The following KIAA0408 variants were observed in gnomAD, a reference collection of about 807,000 sequenced individuals.
The protein encoded by KIAA0408 is KIAA0408, also known as uncharacterized protein KIAA0408.
KIAA0408 carries 51 observed loss-of-function variants against 60.9 expected under a neutral mutation model. That is an observed-to-expected ratio of 0.84 (90% CI 0.67 to 1.06). The LOEUF is 1.06. Ranked by LOEUF, KIAA0408 falls within the 50% of genes least tolerant of loss-of-function variation. KIAA0408 has a pLI of 0.00. For missense variants in KIAA0408, 787 were observed against 833.9 expected (o/e 0.94, Z 0.69); for synonymous variants, 304 against 282.4 (o/e 1.08, Z -0.77).
chr6:127,453,826 C>T (rs1384547025), intron 2 of KIAA0408, 21 bp downstream of exon 2: 1 of 1,608,058 alleles, frequency 6.2e-7, no homozygotes, highest in African/African-American at 1.3e-5. Context: ...TACAGTATAT[C>T]CAAAACAAAT....
intron 1 of KIAA0408, among the ~76,000 whole-genome samples, chr6:127,456,309 A>T (rs1261062799): frequency 6.6e-6 from 1 of 152,170 alleles, no homozygotes; most frequent in Non-Finnish European, 1.5e-5. Flanking sequence ...TCTTTTCTAC[A>T]ATTATGTAGC....
chr6:127,457,135 A>G (rs917200851), intron 1 of KIAA0408, among the ~76,000 whole-genome samples: 2 of 152,208 alleles, frequency 1.3e-5, no homozygotes, highest in East Asian at 3.8e-4. Context: ...TACATGTCAC[A>G]TATTTAAAGA....
Position 127,446,558 on chromosome 6 carries a change from A to G in KIAA0408, c.1761T>C (p.Asn587=), listed in dbSNP as rs1314008670. 9 of 1,614,036 alleles carry G rather than the reference A, an allele frequency of 5.6e-6. No individual in the cohort carries two copies. Among genetic ancestry groups the G allele is most frequent in the African/African-American group, 5.3e-5 (4 of 74,914 alleles). The change falls in exon 5 of 6, where the codon AAT becomes AAC. Residue 587 remains asparagine (N), a synonymous_variant. Transcript: ENST00000483725. The part of the protein sequence containing the change: ...ALQNSKCFQD[N]WTKCNSDVSG... ...TGACATCAGAATTACATTTGGTCCA[A>G]TTATCCTGGAAGCACTTAGAATTTT...
chr6:127,453,818 C>A, intron 2 of KIAA0408, 29 bp downstream of exon 2: 1 of 1,602,920 alleles, frequency 6.2e-7, no homozygotes, highest in Non-Finnish European at 8.5e-7. Flanking sequence ...TTAAACATTA[C>A]AGTATATCCA....
At chr6:127,450,627 G>A (rs562679797) in intron 2 of KIAA0408, 2 of 285,552 alleles carry the variant, frequency 7.0e-6, no homozygotes, top group South Asian at 7.2e-5. Context: ...ATCTGTATCT[G>A]TATATAAATA....
At chr6:127,450,610 A>G (rs1013864615) in intron 2 of KIAA0408, 2 of 358,848 alleles carry the variant, frequency 5.6e-6, no homozygotes, top group Non-Finnish European at 9.7e-6. Context: ...ATTCAAAAAT[A>G]AAATAAATCT....
rs1773448490 is a variant in KIAA0408 at position 127,459,302 on chromosome 6, AG to A, written c.-249del. 1 of 152,236 alleles carries A rather than the reference AG, an allele frequency of 6.6e-6. No homozygotes were observed. Among genetic ancestry groups the A allele is most frequent in the Non-Finnish European group, 1.5e-5 (1 of 68,068 alleles). The allele number at this position is 152,236 out of a possible 1,614,324, so 9.4% of individuals were successfully genotyped here. ...GTGAATCTCGATTCTTTACAAGAAA[AG>A]GGGATGCAAAATAAGTCCAACCATT... On this transcript the variant is annotated 5_prime_UTR_variant, in exon 1 of 6. The change abolishes the stop of an existing upstream ORF in the 5' untranslated region. Transcript: ENST00000483725.
At chr6:127,444,687 T>C (rs1023010861) in intron 5 of KIAA0408, among the ~76,000 whole-genome samples, 2 of 152,076 alleles carry the variant, frequency 1.3e-5, no homozygotes, top group Non-Finnish European at 2.9e-5. Flanking sequence ...TGTTCATTTA[T>C]GTCAAATTCA....
Position 127,446,457 on chromosome 6 carries a change from C to T in KIAA0408, c.1862G>A (p.Trp621Ter), listed in dbSNP as rs745704294. The change falls in exon 5 of 6, where the codon TGG (tryptophan) becomes TAG (stop). Residue 621 changes from tryptophan to a stop codon, truncating the protein, a stop_gained. Coordinates refer to ENST00000483725, the MANE Select transcript of KIAA0408 (RefSeq NM_014702.5). LOFTEE classifies it high-confidence loss of function. ...TCCTTGCTTCACTTCCTGTCCCCCC[C>T]ACACAGCTGTCTTTTGCTGAAACTG... Reference protein sequence around the residue: ...EQQFQQKTAVWGGQEVKQGID... With the variant: ...EQQFQQKTAV 14 of 1,613,864 alleles carry T rather than the reference C, an allele frequency of 8.7e-6. No homozygotes were observed. In the South Asian group the frequency reaches 1.4e-4, roughly 16 times the overall value.
In KIAA0408 at chr6:127,450,308, T is replaced by C. The variant is rs1400865476; in HGVS notation, c.180A>G (p.Glu60=). 1 of 1,607,208 alleles carries C rather than the reference T, an allele frequency of 6.2e-7. No homozygotes were observed. The highest frequency in any genetic ancestry group is 8.5e-7 in the Non-Finnish European group (1 of 1,178,228). The change falls in exon 3 of 6, where the codon GAA becomes GAG. Residue 60 remains glutamate, a synonymous_variant. Transcript: ENST00000483725. ...VKLWRKININ[E]SAKIIDLYHE... The stretch of plus-strand genomic sequence containing the variant: ...GGTAAAGATCAATGATCTTAGCACT[T>C]TCATTGATATTGATTTTCCTCCAAA...
rs913878144 is a variant in KIAA0408 at position 127,450,451 on chromosome 6, T to A, written c.136-99A>T. The A allele has an allele frequency of 1.0e-5, 15 of 1,435,634 alleles. No individual in the cohort carries two copies. The African/African-American group carries it at 2.1e-4, about 21-fold the overall frequency. 88.9% of individuals were successfully genotyped at this position (1,435,634 alleles called of 1,614,324 possible). Reference sequence around the variant, plus strand: ...AAACCGCTTTGAGTTCTCTTTGCCATATTAAAATATACTTCCTGGGTATTA... The same window carrying A: ...AAACCGCTTTGAGTTCTCTTTGCCAAATTAAAATATACTTCCTGGGTATTA... On this transcript the variant is annotated intron_variant, in intron 2 of 5. Coordinates refer to ENST00000483725, the MANE Select transcript of KIAA0408 (RefSeq NM_014702.5).
rs776843188 is a variant in KIAA0408 at position 127,447,395 on chromosome 6, A to T, written c.924T>A (p.Asn308Lys). ...GTCTCAAAGGGAAGTGAGGGTTGTA[A>T]TTCCTTTTACTTCGACCCTCATGGG... ...WVPHEGRSKR[N>K]YNPHFPLRQQ... The change falls in exon 5 of 6, where the codon AAT (asparagine) becomes AAA (lysine). Residue 308 changes from asparagine (N) to lysine (K), a missense_variant. Around this residue, in one of 3 missense-constraint regions of KIAA0408, gnomAD observed 640 missense variants for 681.3 expected, o/e 0.94. Transcript: ENST00000483725. The T allele has an allele frequency of 1.7e-5, 28 of 1,612,872 alleles. No individual in the cohort carries two copies. Among genetic ancestry groups the T allele is most frequent in the Non-Finnish European group, 2.3e-5 (27 of 1,179,646 alleles).
rs531252398 is a variant in KIAA0408, at chr6:127,454,116, A to G, written c.-120-15T>C. The G allele has an allele frequency of 4.4e-6, 6 of 1,360,578 alleles. No homozygotes were observed. In the South Asian group the frequency reaches 1.4e-4, roughly 31 times the overall value. 84.3% of individuals were successfully genotyped at this position (1,360,578 alleles called of 1,614,324 possible). On this transcript the variant is annotated splice_polypyrimidine_tract_variant and intron_variant, in intron 1 of 5. Coordinates refer to ENST00000483725, the MANE Select transcript of KIAA0408 (RefSeq NM_014702.5). ...TAAAATAAAGCCTAATATAAACATA[A>G]CAAGAGAGAGTTCCAAATCCATGTG... is the stretch of plus-strand genomic sequence containing the variant.
rs1773446296 is a variant in KIAA0408, at chr6:127,459,190, G to A, written c.-136C>T. On this transcript the variant is annotated 5_prime_UTR_variant, in exon 1 of 6. Transcript: ENST00000483725. ...AGAAACATACCTTTCACACTGGGGA[G>A]AAATCCTATGGATGCTCGACCACTG... The A allele has an allele frequency of 6.6e-6, 1 of 152,232 alleles. No homozygotes were observed. Among genetic ancestry groups the A allele is most frequent in the Non-Finnish European group, 1.5e-5 (1 of 68,048 alleles). 9.4% of individuals were successfully genotyped at this position (152,232 alleles called of 1,614,324 possible). A position where few individuals can be genotyped will look rare whatever the true frequency, so the allele number is the denominator to read the frequency against.
rs1773214201 is a variant in KIAA0408 at position 127,447,161 on chromosome 6, AC to A, written c.1157del (p.Ser386IlefsTer8). 2 of 1,613,412 alleles carry A rather than the reference AC, an allele frequency of 1.2e-6. No individual in the cohort carries two copies. The highest frequency in any genetic ancestry group is 2.2e-5 in the South Asian group (2 of 90,936). ...SWFQKTCSTP[S>X]NPKYEMVIPD... ...GGATCACCATTTCATATTTTGGATT[AC>A]TGGGGGTAGAGCAGGTTTTCTGAAA... is the stretch of plus-strand genomic sequence containing the variant. On this transcript the variant is annotated frameshift_variant, in exon 5 of 6. Coordinates refer to ENST00000483725, the MANE Select transcript of KIAA0408 (RefSeq NM_014702.5). LOFTEE classifies it high-confidence loss of function.
At position 127,441,526 on chromosome 6, in the gene KIAA0408, T is replaced by A. The variant is rs2114783277; in HGVS notation, c.*2583A>T. The A allele has an allele frequency of 6.6e-6, 1 of 152,574 alleles. No individual in the cohort carries two copies. Among genetic ancestry groups the A allele is most frequent in the East Asian group, 1.9e-4 (1 of 5,186 alleles). 9.5% of individuals were successfully genotyped at this position (152,574 alleles called of 1,614,324 possible). A position where few individuals can be genotyped will look rare whatever the true frequency, so the allele number is the denominator to read the frequency against. On this transcript the variant is annotated 3_prime_UTR_variant, in exon 6 of 6. Transcript: ENST00000483725. ...CTCTGCTGAACTAAAATAATATTTT[T>A]GCTCCAAAAGTCTGCTAGGGAAAAC...
chr6:127,449,852 T>C lies in KIAA0408; in HGVS notation c.548A>G (p.Glu183Gly). Residue 183 changes from glutamate to glycine, a missense_variant, in exon 4 of 6, where the codon GAG becomes GGG. By Grantham distance (98) the Glu-to-Gly change is moderately conservative (BLOSUM62 -2). Around this residue, in one of 3 missense-constraint regions of KIAA0408, gnomAD observed 640 missense variants for 681.3 expected, o/e 0.94. Transcript: ENST00000483725. ...KVSEELCSFQ[E>G]EIRKRSNHRR... ...ATGGTTAGACCGCTTTCGAATTTCC[T>C]CTTGAAAGCTGCATAATTCTTCACT... is the stretch of plus-strand genomic sequence containing the variant. 6.2e-7 allele frequency: 1 copy of C among 1,614,056 alleles called. No homozygotes were observed. The highest frequency in any genetic ancestry group is 8.5e-7 in the Non-Finnish European group (1 of 1,179,958).
chr6:127,451,048 C>T (rs1023168827), intron 2 of KIAA0408: 1 of 244,028 alleles, frequency 4.1e-6, no homozygotes, highest in South Asian at 4.7e-5. Flanking sequence ...ATCCAGATTA[C>T]TTCTTTATGA....
In KIAA0408 at chr6:127,450,108, T is replaced by G. The variant is rs370114599; in HGVS notation, c.380A>C (p.Lys127Thr). 12 of 1,614,132 alleles carry G rather than the reference T, an allele frequency of 7.4e-6. No individual in the cohort carries two copies. Among genetic ancestry groups the G allele is most frequent in the Non-Finnish European group, 1.0e-5 (12 of 1,179,982 alleles). Reference sequence around the variant, plus strand: ...AGGATCCAAAAACCCTACTTTTGATTTTTTTGTTGCTTTTTGTTCCTTACA... The same window carrying G: ...AGGATCCAAAAACCCTACTTTTGATGTTTTTGTTGCTTTTTGTTCCTTACA... ...QMCKEQKATKKSKVGFLDPLA... is the reference protein window; with the variant it reads ...QMCKEQKATKTSKVGFLDPLA... The change falls in exon 3 of 6, where the codon AAA becomes ACA. Residue 127 changes from lysine (K) to threonine (T), a missense_variant. Lys to Thr is a moderately conservative substitution (Grantham distance 78). Coordinates refer to ENST00000483725, the MANE Select transcript of KIAA0408 (RefSeq NM_014702.5).
Sources: allele counts gnomAD v4.1 joint callset (sites outside exome capture counted in the v4.1 genomes callset), GRCh38; gene constraint gnomAD v4.1.1; regional missense constraint gnomAD v4.1.1; transcripts MANE v1.5; gene names NCBI Gene and HGNC (gene_info 2026-07-23, HGNC 2026-07-21).